Variants in MRPL22 observed in about 807,000 individuals in gnomAD.
The protein encoded by MRPL22 is mitochondrial ribosomal protein L22, also known as large ribosomal subunit protein uL22m.
In MRPL22, 27 loss-of-function variants were observed where a neutral mutation model predicts 32.4. The observed-to-expected ratio is 0.83, with a 90% CI of 0.61 to 1.15. The LOEUF is 1.15. Among genes scored for constraint, MRPL22 ranks in the 50% most tolerant of loss-of-function variants. The pLI is 0.00. For synonymous variants in MRPL22, 86 were observed against 87.3 expected, an observed-to-expected ratio of 0.99 and a Z score of 0.08; for missense variants, 239 against 260.2, an observed-to-expected ratio of 0.92 and a Z score of 0.56.
Position 154,942,744 on chromosome 5 carries a change from A to G in MRPL22, c.77+1479A>G, listed in dbSNP as rs567939892. ...TGCCTTCTATGATGACTTCATGTAT[A>G]TGTGTATGTGCCCTTTACTAGCTTG... On this transcript the variant is annotated intron_variant, in intron 2 of 6. Transcript: ENST00000523037. Among the ~76,000 whole-genome samples the G allele has an allele frequency of 1.6e-4, 24 of 152,312 alleles. No individual in the cohort carries two copies. In the South Asian group the frequency reaches 4.3e-3, roughly 28 times the overall value.
intron 4 of MRPL22, 179 bp from the exon 5 acceptor site, chr5:154,956,956 T>G (rs1764638235): frequency 1.8e-6 from 1 of 567,724 alleles, no homozygotes; most frequent in Admixed American, 3.1e-5. Context: ...TTAAAATGTT[T>G]GTTTCATTTT....
chr5:154,941,231 C>T lies in MRPL22; in HGVS notation c.43C>T (p.His15Tyr). 1 of 1,613,778 alleles carries T rather than the reference C, an allele frequency of 6.2e-7. No individual in the cohort carries two copies. The highest frequency in any genetic ancestry group is 8.5e-7 in the Non-Finnish European group (1 of 1,180,028). The change falls in exon 2 of 7, where the codon CAT becomes TAT. Residue 15 changes from histidine to tyrosine, a missense_variant. His to Tyr is a moderately conservative substitution (Grantham distance 83). Coordinates refer to ENST00000523037, the MANE Select transcript of MRPL22 (RefSeq NM_014180.4). ...TGATGTTGCAGGTGCGTTATGGATA[C>T]ATAACCTGAGGAGCCGGGGGAAGCT... ...VLGQLGALWI[H>Y]NLRSRGKLAL...
intron 2 of MRPL22, among the ~76,000 whole-genome samples, chr5:154,948,395 T>C (rs1051017904): frequency 2.6e-5 from 4 of 152,264 alleles, no homozygotes; most frequent in Non-Finnish European, 4.4e-5. Context: ...TCTCTTACTC[T>C]GTAGGTTTTT....
At chr5:154,951,442 A>C (rs1341015580) in intron 3 of MRPL22, among the ~76,000 whole-genome samples, 6 of 152,206 alleles carry the variant, frequency 3.9e-5, no homozygotes, top group Non-Finnish European at 1.5e-5. Flanking sequence ...TAAACAAATA[A>C]CTTTTCAACT....
intron 6 of MRPL22, among the ~76,000 whole-genome samples, chr5:154,964,330 A>G (rs1025226331): frequency 2.6e-5 from 4 of 152,202 alleles, no homozygotes; most frequent in Non-Finnish European, 5.9e-5. Flanking sequence ...CCACGTTTCA[A>G]TAGGAGCAGA....
chr5:154,945,638 C>T (rs1214824057), intron 2 of MRPL22, among the ~76,000 whole-genome samples: 1 of 152,006 alleles, frequency 6.6e-6, no homozygotes, highest in African/African-American at 2.4e-5. Context: ...ATATTACAGA[C>T]CAGGGAGGGA....
intron 6 of MRPL22, among the ~76,000 whole-genome samples, chr5:154,961,476 A>G (rs1764700523): frequency 1.3e-5 from 2 of 152,208 alleles, no homozygotes; most frequent in South Asian, 4.1e-4. Flanking sequence ...TTCGTAGCTG[A>G]TAGACTTTCT....
chr5:154,952,092 A>G (rs1764571623), intron 3 of MRPL22, among the ~76,000 whole-genome samples: 1 of 152,118 alleles, frequency 6.6e-6, no homozygotes, highest in Non-Finnish European at 1.5e-5. Context: ...CGTGTTAGCC[A>G]GGATGGTCTC....
intron 2 of MRPL22, among the ~76,000 whole-genome samples, chr5:154,946,845 G>A (rs1006341304): frequency 1.3e-4 from 19 of 151,972 alleles, no homozygotes; most frequent in Admixed American, 8.5e-4. Flanking sequence ...CAAAACAGAG[G>A]CAAGGCCTTG....
Position 154,966,843 on chromosome 5 carries a change from T to G in MRPL22, c.567T>G (p.His189Gln). The G allele has an allele frequency of 6.2e-7, 1 of 1,614,146 alleles. No homozygotes were observed. Among genetic ancestry groups the G allele is most frequent in the Non-Finnish European group, 8.5e-7 (1 of 1,180,016 alleles). The change falls in exon 7 of 7, where the codon CAT (histidine) becomes CAG (glutamine). Residue 189 changes from histidine to glutamine, a missense_variant. By Grantham distance (24) the His-to-Gln change is conservative. Transcript: ENST00000523037. ...AGCCACCAAAGACGGCAGTTGCCCA[T>G]GCCAAAGAGTATATTCAGCAGCTTC... ...PPEPPKTAVA[H>Q]AKEYIQQLRS...
intron 5 of MRPL22, 75 bp downstream of exon 5, chr5:154,957,287 T>G (rs1764643481): frequency 1.6e-5 from 20 of 1,237,744 alleles, no homozygotes; most frequent in Non-Finnish European, 2.4e-5. Flanking sequence ...ATTAGTAAGC[T>G]TAGCCTAAAT....
intron 4 of MRPL22, 76 bp from the exon 5 acceptor site, chr5:154,957,059 A>C: frequency 7.4e-7 from 1 of 1,351,904 alleles, no homozygotes; most frequent in Non-Finnish European, 1.0e-6. Flanking sequence ...CAAATTATGT[A>C]AGACTTTCAT....
At chr5:154,949,840 A>G (rs1175676189) in intron 2 of MRPL22, among the ~76,000 whole-genome samples, 2 of 152,186 alleles carry the variant, frequency 1.3e-5, no homozygotes, top group Non-Finnish European at 2.9e-5. Flanking sequence ...TTAGCATTCA[A>G]AGACAACCAC....
chr5:154,954,889 T>A (rs893891799), intron 3 of MRPL22, among the ~76,000 whole-genome samples: 13 of 152,290 alleles, frequency 8.5e-5, no homozygotes, highest in Non-Finnish European at 1.8e-4. Context: ...CCTCCCGGGT[T>A]CATGGCATTC....
rs149436013 is a variant in MRPL22 at position 154,968,164 on chromosome 5, T to C, written c.*1267T>C. Reference sequence around the variant, plus strand: ...TCACAAGTCACACAGCATGTAAATATTGGGGCTATGATTGAAAGGTTTCTA... The same window carrying C: ...TCACAAGTCACACAGCATGTAAATACTGGGGCTATGATTGAAAGGTTTCTA... On this transcript the variant is annotated 3_prime_UTR_variant, in exon 7 of 7. Coordinates refer to ENST00000523037, the MANE Select transcript of MRPL22 (RefSeq NM_014180.4). 7.2e-5 allele frequency: 11 copies of C among 152,312 alleles called. No homozygotes were observed. Among genetic ancestry groups the C allele is most frequent in the South Asian group, 2.1e-4 (1 of 4,826 alleles). The allele number at this position is 152,312 out of a possible 1,614,324, so 9.4% of individuals were successfully genotyped here.
rs1226182301 is a variant in MRPL22 at position 154,967,495 on chromosome 5, C to A, written c.*598C>A. Reference sequence around the variant, plus strand: ...CTTTGAAAATTTTCTTTTGGTTAAGCAAAGCCTGTTTTTATTTCTTCTTCC... The same window carrying A: ...CTTTGAAAATTTTCTTTTGGTTAAGAAAAGCCTGTTTTTATTTCTTCTTCC... On this transcript the variant is annotated 3_prime_UTR_variant, in exon 7 of 7. Transcript: ENST00000523037. The surrounding 1 kb of genome is among the most constrained non-coding windows in gnomAD (Gnocchi z 4.7). 1 of 152,280 alleles carries A rather than the reference C, an allele frequency of 6.6e-6. No homozygotes were observed. The highest frequency in any genetic ancestry group is 1.9e-4 in the East Asian group (1 of 5,202). The allele number at this position is 152,280 out of a possible 1,614,324, so 9.4% of individuals were successfully genotyped here.
rs552118341 is a variant in MRPL22 at position 154,962,167 on chromosome 5, G to A, written c.409+2118G>A. 4.6e-5 allele frequency among the ~76,000 whole-genome samples: 7 copies of A among 152,294 alleles called. No individual in the cohort carries two copies. The East Asian group carries it at 1.2e-3, about 25-fold the overall frequency. ...GATGCCTAATTCCATAATCAAAAGA[G>A]ATGAGTTCCCTCAGGAAGAGTATGA... On this transcript the variant is annotated intron_variant, in intron 6 of 6. Transcript: ENST00000523037.
intron 2 of MRPL22, among the ~76,000 whole-genome samples, chr5:154,945,997 C>G (rs939390771): frequency 6.6e-6 from 1 of 152,072 alleles, no homozygotes; most frequent in Non-Finnish European, 1.5e-5. Context: ...CTTGATAATT[C>G]AGTTCATGAA....
chr5:154,960,713 C>T (rs1764690251), intron 6 of MRPL22, among the ~76,000 whole-genome samples: 1 of 152,186 alleles, frequency 6.6e-6, no homozygotes, highest in Non-Finnish European at 1.5e-5. Flanking sequence ...CAGACCGTCA[C>T]ACAGTTATTT....
Sources: gnomAD v4.1 joint callset for allele counts (sites outside exome capture counted in the v4.1 genomes callset) on GRCh38, gnomAD v4.1.1 for gene constraint, Gnocchi (gnomAD v3.1) non-coding constraint, MANE v1.5 for transcripts, NCBI Gene and HGNC (gene_info 2026-07-23, HGNC 2026-07-21) for gene names.